LHFPL3: variants seen among roughly 807,000 people sequenced by gnomAD.
LHFPL3 encodes LHFPL tetraspan subfamily member 3 protein.
In LHFPL3, 5 loss-of-function variants were observed where a neutral mutation model predicts 19.3. The observed-to-expected ratio is 0.26, with a 90% CI of 0.14 to 0.54. The LOEUF (loss-of-function observed/expected upper bound fraction) is 0.54, where lower values mean the gene tolerates loss of function less well. Among genes scored for constraint, LHFPL3 ranks in the 20% least tolerant of loss-of-function variants. The pLI is 0.94. For missense variants in LHFPL3, 249 were observed against 307.4 expected, an observed-to-expected ratio of 0.81 and a Z score of 1.42; for synonymous variants, 133 against 126.2, an observed-to-expected ratio of 1.05 and a Z score of -0.36.
At chr7:104,381,257 T>C (rs1321903388) in intron 1 of LHFPL3, among the ~76,000 whole-genome samples, 1 of 152,184 alleles carries the variant, frequency 6.6e-6, no homozygotes, top group African/African-American at 2.4e-5. Context: ...TGAGTAACAA[T>C]AATTCAACAG....
intron 2 of LHFPL3, among the ~76,000 whole-genome samples, chr7:104,753,151 C>T (rs939064474): frequency 1.3e-5 from 2 of 152,174 alleles, no homozygotes; most frequent in East Asian, 1.9e-4. Context: ...TATAATGTAA[C>T]GATACTGAGG....
At chr7:104,801,805 C>T (rs1220219510) in intron 2 of LHFPL3, among the ~76,000 whole-genome samples, 1 of 152,138 alleles carries the variant, frequency 6.6e-6, no homozygotes, top group Non-Finnish European at 1.5e-5. Flanking sequence ...CTCCTGACCT[C>T]ATGATCCGCC....
chr7:104,424,716 G>A (rs1327381053), intron 1 of LHFPL3, among the ~76,000 whole-genome samples: 1 of 152,106 alleles, frequency 6.6e-6, no homozygotes, highest in East Asian at 1.9e-4. Flanking sequence ...ACTTGGCCGG[G>A]CGCGGTGGCT....
rs1792656006 is a variant in LHFPL3 at position 104,908,223 on chromosome 7, A to G, written c.*2008A>G. 6.6e-6 allele frequency among the ~76,000 whole-genome samples: 1 copy of G among 152,214 alleles called. No individual in the cohort carries two copies. On this transcript the variant is annotated 3_prime_UTR_variant, in exon 3 of 3. Coordinates refer to ENST00000424859, the MANE Select transcript of LHFPL3 (RefSeq NM_199000.3). ...GAACAAAACTAAGAAAGTACTTCCT[A>G]TCCACATGTGAATGTTTTAAAAAAG...
intron 1 of LHFPL3, among the ~76,000 whole-genome samples, chr7:104,481,969 G>A (rs543804328): frequency 5.3e-5 from 8 of 152,258 alleles, no homozygotes; most frequent in East Asian, 1.9e-4. Flanking sequence ...CTTCCACTCC[G>A]TGAGTGTTGC....
At chr7:104,683,865 A>T (rs1562965103) in intron 1 of LHFPL3, among the ~76,000 whole-genome samples, 1 of 152,198 alleles carries the variant, frequency 6.6e-6, no homozygotes, top group Non-Finnish European at 1.5e-5. Context: ...CATTTATTCA[A>T]ATTAAACCCT....
intron 2 of LHFPL3, among the ~76,000 whole-genome samples, chr7:104,860,273 A>G (rs1278922717): frequency 6.6e-6 from 1 of 152,038 alleles, no homozygotes; most frequent in Non-Finnish European, 1.5e-5. Context: ...TCCCTGCCCA[A>G]TGCAGGCAGG....
At chr7:104,383,276 T>G (rs1256302069) in intron 1 of LHFPL3, among the ~76,000 whole-genome samples, 1 of 152,240 alleles carries the variant, frequency 6.6e-6, no homozygotes, top group Non-Finnish European at 1.5e-5. Flanking sequence ...AGGTTTCAGA[T>G]AGTGTAAGTA....
At chr7:104,474,669 C>G in intron 1 of LHFPL3, among the ~76,000 whole-genome samples, 1 of 104,996 alleles carries the variant, frequency 9.5e-6, no homozygotes, top group African/African-American at 3.9e-5. Flanking sequence ...TCCATCACAA[C>G]GACAACAACA....
Position 104,521,258 on chromosome 7 carries a change from T to C in LHFPL3, c.445+192034T>C, listed in dbSNP as rs567540874. ...TCAGTTTCCATGTAGTTGAGTGGTT[T>C]TGAGTGAGATTCTTAATCCTGAGTT... is the stretch of plus-strand genomic sequence containing the variant. On this transcript the variant is annotated intron_variant, in intron 1 of 2. Transcript: ENST00000424859. 1.3e-4 allele frequency among the ~76,000 whole-genome samples: 20 copies of C among 152,266 alleles called. 1 individual carries two copies. The East Asian group carries it at 3.7e-3, about 28-fold the overall frequency.
chr7:104,671,489 C>T (rs1426052923), intron 1 of LHFPL3, among the ~76,000 whole-genome samples: 2 of 149,526 alleles, frequency 1.3e-5, no homozygotes, highest in Non-Finnish European at 3.0e-5. Flanking sequence ...GACTTATTAC[C>T]TGGGAGATGT....
At chr7:104,580,469 A>T (rs1305906393) in intron 1 of LHFPL3, among the ~76,000 whole-genome samples, 1 of 152,118 alleles carries the variant, frequency 6.6e-6, no homozygotes, top group African/African-American at 2.4e-5. Context: ...TCATCAAGCC[A>T]TCTTATTTTT....
intron 1 of LHFPL3, among the ~76,000 whole-genome samples, chr7:104,605,572 A>G (rs1402986016): frequency 6.6e-6 from 1 of 152,190 alleles, no homozygotes; most frequent in Admixed American, 6.6e-5. Flanking sequence ...ATGTGCACAC[A>G]TACACACTCA....
At chr7:104,846,962 A>AGTT (rs549603216) in intron 2 of LHFPL3, among the ~76,000 whole-genome samples, 151 of 152,326 alleles carry the variant, frequency 9.9e-4, no homozygotes, top group African/African-American at 3.5e-3. Context: ...TTATGAAAAA[A>AGTT]GTTATAGTCA....
chr7:104,590,993 G>A (rs1160601763), intron 1 of LHFPL3, among the ~76,000 whole-genome samples: 1 of 151,934 alleles, frequency 6.6e-6, no homozygotes, highest in East Asian at 1.9e-4. Context: ...CCTTTAATTT[G>A]AGCTTGTGTG....
intron 2 of LHFPL3, among the ~76,000 whole-genome samples, chr7:104,842,309 G>T (rs901883504): frequency 2.7e-5 from 4 of 147,750 alleles, no homozygotes; most frequent in African/African-American, 9.8e-5. Flanking sequence ...GGGGTGGGGG[G>T]AGGCTTTTTC....
chr7:104,605,902 G>A (rs1466368681), intron 1 of LHFPL3, among the ~76,000 whole-genome samples: 1 of 150,676 alleles, frequency 6.6e-6, no homozygotes, highest in Non-Finnish European at 1.5e-5. Context: ...ATATTGAAAA[G>A]CTACCCCGTC....
intron 1 of LHFPL3, among the ~76,000 whole-genome samples, chr7:104,704,921 C>CCATT (rs1162245701): frequency 1.3e-5 from 2 of 152,194 alleles, no homozygotes; most frequent in African/African-American, 4.8e-5. Flanking sequence ...TAGGCATGAG[C>CCATT]CATTGCACTG....
chr7:104,521,778 A>T (rs1384077710), intron 1 of LHFPL3, among the ~76,000 whole-genome samples: 1 of 152,244 alleles, frequency 6.6e-6, no homozygotes, highest in Non-Finnish European at 1.5e-5. Context: ...CAAAAAACAC[A>T]TGAAAAAATG....
Sources: allele counts gnomAD v4.1 joint callset (sites outside exome capture counted in the v4.1 genomes callset), GRCh38; gene constraint gnomAD v4.1.1; transcripts MANE v1.5; gene names NCBI Gene and HGNC (gene_info 2026-07-23, HGNC 2026-07-21).